The following KLHL1 variants were observed in gnomAD, a reference collection of about 807,000 sequenced individuals.
KLHL1 encodes the protein kelch-like protein 1.
In KLHL1, 47 loss-of-function variants were observed where a neutral mutation model predicts 77.7. The ratio of observed to expected loss-of-function variants is 0.60; its 90% CI spans 0.48 to 0.77. The LOEUF (loss-of-function observed/expected upper bound fraction) is 0.77. Ranked by LOEUF, KLHL1 falls within the 30% of genes least tolerant of loss-of-function variation. The probability of loss-of-function intolerance (pLI) is 0.00; values close to 1 mark genes in which losing one functional copy is unlikely to be tolerated. For missense variants in KLHL1, 925 were observed against 910.8 expected, an observed-to-expected ratio of 1.02 and a Z score of -0.20; for synonymous variants, 360 against 325.2, an observed-to-expected ratio of 1.11 and a Z score of -1.15.
At chr13:69,916,556 G>C (rs1257337870) in intron 4 of KLHL1, among the ~76,000 whole-genome samples, 2 of 151,672 alleles carry the variant, frequency 1.3e-5, no homozygotes, top group South Asian at 2.1e-4. Context: ...CACATGGACA[G>C]AGGAAGGGGA....
chr13:69,736,059 G>T (rs1042435262), intron 8 of KLHL1, among the ~76,000 whole-genome samples: 20 of 152,008 alleles, frequency 1.3e-4, no homozygotes, highest in African/African-American at 4.8e-4. Flanking sequence ...AACTAAAAAA[G>T]TTCTGCACAG....
At chr13:69,880,543 C>T (rs1242856192) in intron 5 of KLHL1, among the ~76,000 whole-genome samples, 1 of 152,008 alleles carries the variant, frequency 6.6e-6, no homozygotes, top group Non-Finnish European at 1.5e-5. Context: ...ATAAATATTA[C>T]TTCACTAAGC....
chr13:69,771,312 A>G (rs1875555266), intron 7 of KLHL1, among the ~76,000 whole-genome samples: 1 of 150,352 alleles, frequency 6.7e-6, no homozygotes, highest in Admixed American at 6.6e-5. Flanking sequence ...CTTCTTTGGC[A>G]TCTTATAATA....
At chr13:70,010,861 C>T (rs987326546) in intron 1 of KLHL1, among the ~76,000 whole-genome samples, 7 of 151,152 alleles carry the variant, frequency 4.6e-5, no homozygotes, top group African/African-American at 1.7e-4. Context: ...CATTGCACTC[C>T]AGCCTGGGCA....
intron 6 of KLHL1, among the ~76,000 whole-genome samples, chr13:69,826,518 T>C (rs1052128121): frequency 7.9e-5 from 12 of 152,098 alleles, no homozygotes; most frequent in Non-Finnish European, 1.6e-4. Flanking sequence ...AGGCAGAGGT[T>C]GCAGTTAGCC....
intron 2 of KLHL1, among the ~76,000 whole-genome samples, chr13:69,963,599 G>A (rs1884131292): frequency 6.6e-6 from 1 of 152,084 alleles, no homozygotes; most frequent in East Asian, 1.9e-4. Context: ...CTGCACAGCA[G>A]ATGTGGCCCC....
chr13:69,998,022 C>A (rs1297806592), intron 1 of KLHL1, among the ~76,000 whole-genome samples: 1 of 151,756 alleles, frequency 6.6e-6, no homozygotes, highest in Admixed American at 6.6e-5. Context: ...TTGTGAAGAA[C>A]TGCAATACTG....
intron 1 of KLHL1, 142 bp downstream of exon 1, chr13:70,107,061 T>G (rs1227460477): frequency 1.6e-6 from 2 of 1,237,070 alleles, no homozygotes; most frequent in Non-Finnish European, 2.2e-6. Flanking sequence ...AAATTAGAAC[T>G]TGAGTAATCA....
intron 7 of KLHL1, among the ~76,000 whole-genome samples, chr13:69,747,229 G>A (rs1874253311): frequency 6.6e-6 from 1 of 151,790 alleles, no homozygotes; most frequent in South Asian, 2.1e-4. Flanking sequence ...ACTCCATCAG[G>A]GCCAGAAGTT....
chr13:69,833,033 T>C (rs112333559), intron 6 of KLHL1, among the ~76,000 whole-genome samples: 8 of 152,218 alleles, frequency 5.3e-5, no homozygotes, highest in East Asian at 1.9e-4. Context: ...CTTCTGAACA[T>C]TGTCTTAGGC....
chr13:69,731,418 A>G (rs1395349338), intron 8 of KLHL1, among the ~76,000 whole-genome samples: 1 of 152,170 alleles, frequency 6.6e-6, no homozygotes, highest in Admixed American at 6.6e-5. Flanking sequence ...ACCATTTTTT[A>G]TGCAAGCAGC....
chr13:69,928,496 T>C (rs1051488344), intron 4 of KLHL1, among the ~76,000 whole-genome samples: 2 of 152,160 alleles, frequency 1.3e-5, no homozygotes. Context: ...GCATTATTCA[T>C]AAGGGGCCCA....
chr13:70,049,243 A>T (rs957446466), intron 1 of KLHL1, among the ~76,000 whole-genome samples: 1 of 152,210 alleles, frequency 6.6e-6, no homozygotes, highest in Non-Finnish European at 1.5e-5. Context: ...TAAATGAAAA[A>T]AAAATCAATT....
intron 1 of KLHL1, among the ~76,000 whole-genome samples, chr13:69,982,476 T>TAA (rs1555287857): frequency 0.048 from 6,551 of 135,182 alleles, 195 homozygotes; most frequent in African/African-American, 0.081. Context: ...ATAATAATAA[T>TAA]AATAAAATAA....
At chr13:70,058,937 G>T (rs1012016600) in intron 1 of KLHL1, among the ~76,000 whole-genome samples, 4 of 152,028 alleles carry the variant, frequency 2.6e-5, no homozygotes, top group African/African-American at 9.7e-5. Context: ...TATTATCAAA[G>T]GTGCCGATAA....
At chr13:69,734,153 T>G (rs1002714596) in intron 8 of KLHL1, among the ~76,000 whole-genome samples, 1 of 152,158 alleles carries the variant, frequency 6.6e-6, no homozygotes, top group Non-Finnish European at 1.5e-5. Flanking sequence ...GGTACTGTCC[T>G]TACAATAATG....
intron 1 of KLHL1, among the ~76,000 whole-genome samples, chr13:70,063,584 A>G (rs1886941580): frequency 6.6e-6 from 1 of 152,116 alleles, no homozygotes; most frequent in Admixed American, 6.5e-5. Flanking sequence ...ATACGATATC[A>G]GAAACTTCAA....
At chr13:69,983,705 C>T (rs995060008) in intron 1 of KLHL1, among the ~76,000 whole-genome samples, 4 of 151,564 alleles carry the variant, frequency 2.6e-5, no homozygotes, top group Non-Finnish European at 4.4e-5. Flanking sequence ...AGTTAAGAGT[C>T]GGCAATGACC....
chr13:69,874,660 A>G (rs1880702317), intron 5 of KLHL1, among the ~76,000 whole-genome samples: 1 of 152,162 alleles, frequency 6.6e-6, no homozygotes, highest in South Asian at 2.1e-4. Context: ...TGAGAAAAAT[A>G]ACTGTTCTTG....
Sources: allele counts gnomAD v4.1 joint callset (sites outside exome capture counted in the v4.1 genomes callset), GRCh38; gene constraint gnomAD v4.1.1; transcripts MANE v1.5; gene names NCBI Gene and HGNC (gene_info 2026-07-23, HGNC 2026-07-21).